Variants in SP140 observed in about 807,000 individuals in gnomAD.
SP140 encodes the protein nuclear body protein SP140.
A neutral mutation model predicts 125.0 loss-of-function variants in SP140; 81 were observed. The observed-to-expected ratio is 0.65, with a 90% CI of 0.54 to 0.78. The LOEUF is 0.78. SP140 is among the 30% of genes least tolerant of loss of function. The pLI, the probability that SP140 is intolerant of heterozygous loss-of-function variation, is 0.00. For missense variants in SP140, 858 were observed against 1,037.0 expected, an observed-to-expected ratio of 0.83 and a Z score of 2.37; for synonymous variants, 312 against 354.0, an observed-to-expected ratio of 0.88 and a Z score of 1.33.
In SP140 at chr2:230,211,336, G is replaced by A; in HGVS notation, c.-322-2318G>A. The stretch of plus-strand genomic sequence containing the variant: ...CTGCCTGTTCAAGCTCCCAAGTGCT[G>A]GGTGAACTGGAAGCTGGGCCAAGAT... On this transcript the variant is annotated intron_variant, in intron 1 of 4. Transcript: ENST00000456542. The surrounding 1 kb of genome is among the most constrained non-coding windows in gnomAD (Gnocchi z 4.2). 1 of 722,160 alleles carries A rather than the reference G, an allele frequency of 1.4e-6. No individual in the cohort carries two copies. The highest frequency in any genetic ancestry group is 2.5e-6 in the Non-Finnish European group (1 of 395,024). 44.7% of individuals were successfully genotyped at this position (722,160 alleles called of 1,614,324 possible). A position where few individuals can be genotyped will look rare whatever the true frequency, so the allele number is the denominator to read the frequency against.
chr2:230,188,613 G>A, the SP140 span, among the ~76,000 whole-genome samples: 3 of 152,126 alleles, frequency 2.0e-5, no homozygotes, highest in Non-Finnish European at 2.9e-5. Context: ...GTATCACATT[G>A]GCTGTGGGTT....
At chr2:230,244,173 A>T (rs1257960227) in intron 5 of SP140, among the ~76,000 whole-genome samples, 1 of 152,226 alleles carries the variant, frequency 6.6e-6, no homozygotes, top group Non-Finnish European at 1.5e-5. Flanking sequence ...AAACTAAATG[A>T]TAATTTTTGC....
chr2:230,257,810 C>A (rs1162462751), intron 12 of SP140, among the ~76,000 whole-genome samples: 1 of 151,852 alleles, frequency 6.6e-6, no homozygotes, highest in Non-Finnish European at 1.5e-5. Flanking sequence ...TAATATCAAA[C>A]GAAAGGCTGA....
upstream of SP140, among the ~76,000 whole-genome samples, chr2:230,221,010 C>T (rs141940790): frequency 1.1e-3 from 171 of 151,580 alleles, 1 homozygote; most frequent in Admixed American, 2.2e-3. Flanking sequence ...GGGCCAGGCT[C>T]GGTGGCTCAC....
chr2:230,292,543 C>A (rs1354431747), intron 19 of SP140, 103 bp from the exon 20 acceptor site: 16 of 1,459,390 alleles, frequency 1.1e-5, no homozygotes, highest in Non-Finnish European at 1.4e-5. Context: ...TGCTATTGAT[C>A]TGCATCACAA....
chr2:230,294,183 T>TC, intron 20 of SP140, 88 bp from the exon 21 acceptor site: 1 of 1,024,836 alleles, frequency 9.8e-7, no homozygotes, highest in Non-Finnish European at 1.5e-6. Flanking sequence ...AACACTCAGG[T>TC]AGAAATATTT....
downstream of SP140, among the ~76,000 whole-genome samples, chr2:230,315,026 TA>T (rs1274281920): frequency 6.6e-6 from 1 of 152,238 alleles, no homozygotes; most frequent in African/African-American, 2.4e-5. Flanking sequence ...TGTAGGTATC[TA>T]TGAAGACAGA....
chr2:230,200,120 AATG>A (rs1351864793), upstream of SP140, among the ~76,000 whole-genome samples: 6 of 152,208 alleles, frequency 3.9e-5, no homozygotes, highest in Non-Finnish European at 8.8e-5. Context: ...AAACTGTTAA[AATG>A]ATAATTTAGA....
chr2:230,302,970 A>T (rs1013655350), intron 22 of SP140, among the ~76,000 whole-genome samples: 2 of 152,194 alleles, frequency 1.3e-5, no homozygotes, highest in African/African-American at 4.8e-5. Context: ...AAAGAGCACA[A>T]ATAGACAATC....
chr2:230,312,697 A>G lies in SP140; in HGVS notation c.*13A>G, dbSNP rs867583022. On this transcript the variant is annotated 3_prime_UTR_variant, in exon 27 of 27. Transcript: ENST00000392045. Reference sequence around the variant, plus strand: ...TGGGAACAATTGACTGGATTAGTGGATGCTGAAAGCATTCAGCAAATGGCA... The same window carrying G: ...TGGGAACAATTGACTGGATTAGTGGGTGCTGAAAGCATTCAGCAAATGGCA... 6.3e-7 allele frequency: 1 copy of G among 1,580,814 alleles called. No individual in the cohort carries two copies. Among genetic ancestry groups the G allele is most frequent in the African/African-American group, 1.3e-5 (1 of 74,296 alleles).
At chr2:230,307,573 G>GT (rs1353295739) in intron 22 of SP140, among the ~76,000 whole-genome samples, 3 of 152,206 alleles carry the variant, frequency 2.0e-5, no homozygotes, top group African/African-American at 7.2e-5. Flanking sequence ...CAGTGTGCCT[G>GT]GTCCAGACAC....
chr2:230,201,993 A>G (rs1400941032), upstream of SP140, among the ~76,000 whole-genome samples: 1 of 152,208 alleles, frequency 6.6e-6, no homozygotes, highest in African/African-American at 2.4e-5. Flanking sequence ...CTATCCTTCA[A>G]TCAAAGCAAC....
intron 15 of SP140, among the ~76,000 whole-genome samples, chr2:230,280,286 T>G (rs1039073477): frequency 6.6e-6 from 1 of 152,230 alleles, no homozygotes; most frequent in Non-Finnish European, 1.5e-5. Context: ...TTAATGCTTT[T>G]GCCGTAAAAT....
chr2:230,247,785 C>G (rs1574991261), intron 7 of SP140, 131 bp from the exon 8 acceptor site: 23 of 816,880 alleles, frequency 2.8e-5, no homozygotes, highest in Non-Finnish European at 5.8e-6. Flanking sequence ...CTCATCTGAG[C>G]TTTCCTAAAG....
intron 26 of SP140, 91 bp from the exon 27 acceptor site, chr2:230,312,495 T>C (rs1342925053): frequency 1.3e-6 from 1 of 787,248 alleles, no homozygotes; most frequent in African/African-American, 1.8e-5. Flanking sequence ...CTTTTTTTTT[T>C]AAAGACAAGA....
At chr2:230,282,748 A>C (rs2055779280) in intron 15 of SP140, among the ~76,000 whole-genome samples, 1 of 152,258 alleles carries the variant, frequency 6.6e-6, no homozygotes, top group Admixed American at 6.5e-5. Context: ...CCTGGCTTTC[A>C]TACAAGAAGC....
chr2:230,246,694 G>A (rs944998833), intron 7 of SP140, among the ~76,000 whole-genome samples: 4 of 152,082 alleles, frequency 2.6e-5, no homozygotes, highest in South Asian at 2.1e-4. Flanking sequence ...GAAAAATTAG[G>A]AACAGAAAGC....
chr2:230,229,806 A>G (rs1188039467), intron 1 of SP140, among the ~76,000 whole-genome samples: 1 of 152,010 alleles, frequency 6.6e-6, no homozygotes, highest in Non-Finnish European at 1.5e-5. Context: ...TTCACAGGAT[A>G]TGGAAGCCTA....
intron 1 of SP140, among the ~76,000 whole-genome samples, chr2:230,226,827 T>A (rs2046485395): frequency 6.6e-6 from 1 of 150,944 alleles, no homozygotes; most frequent in Non-Finnish European, 1.5e-5. Flanking sequence ...GTGGATTCTG[T>A]ATCCATGGAT....
Sources: allele counts gnomAD v4.1 joint callset (sites outside exome capture counted in the v4.1 genomes callset), GRCh38; gene constraint gnomAD v4.1.1; non-coding constraint Gnocchi (gnomAD v3.1); transcripts MANE v1.5; gene names NCBI Gene and HGNC (gene_info 2026-07-23, HGNC 2026-07-21).